CTNNA2: variants seen among roughly 807,000 people sequenced by gnomAD.
CTNNA2 encodes the protein catenin alpha-2.
A neutral mutation model predicts 101.0 loss-of-function variants in CTNNA2; 42 were observed. The ratio of observed to expected loss-of-function variants is 0.42; its 90% CI spans 0.32 to 0.54. The LOEUF is 0.54. Among genes scored for constraint, CTNNA2 ranks in the 20% least tolerant of loss-of-function variants. The pLI, the probability that CTNNA2 is intolerant of heterozygous loss-of-function variation, is 0.14. For synonymous variants in CTNNA2, 450 were observed against 456.4 expected (o/e 0.99, Z 0.18); for missense variants, 871 against 1,223.1 (o/e 0.71, Z 4.29).
intron 7 of CTNNA2, among the ~76,000 whole-genome samples, chr2:80,102,150 G>A (rs946232844): frequency 8.5e-5 from 13 of 152,180 alleles, no homozygotes; most frequent in African/African-American, 3.1e-4. Flanking sequence ...TAGGCAATGA[G>A]TATTTGTTGA....
intron 3 of CTNNA2, among the ~76,000 whole-genome samples, chr2:79,815,764 A>G (rs1029239645): frequency 1.4e-5 from 2 of 144,888 alleles, no homozygotes; most frequent in African/African-American, 5.2e-5. Context: ...TTCCATATGA[A>G]TTTTAGATTT....
chr2:79,765,100 A>C (rs1026364644), intron 3 of CTNNA2, among the ~76,000 whole-genome samples: 1 of 152,128 alleles, frequency 6.6e-6, no homozygotes, highest in African/African-American at 2.4e-5. Context: ...AGATTTAATA[A>C]GTTTTTGGTT....
intron 4 of CTNNA2, among the ~76,000 whole-genome samples, chr2:79,865,731 T>A (rs1682026832): frequency 6.6e-6 from 1 of 152,230 alleles, no homozygotes; most frequent in Non-Finnish European, 1.5e-5. Context: ...ATTTGTTTAT[T>A]TATTTTGAGA....
chr2:79,705,930 A>G (rs2104781105), intron 2 of CTNNA2, among the ~76,000 whole-genome samples: 1 of 152,298 alleles, frequency 6.6e-6, no homozygotes, highest in Non-Finnish European at 1.5e-5. Flanking sequence ...TACAGAGAAG[A>G]GGTCATATGT....
Position 79,856,327 on chromosome 2 carries a change from G to A in CTNNA2, c.299-1686G>A, listed in dbSNP as rs116121580. Among the ~76,000 whole-genome samples, 281 of 152,172 alleles carry A rather than the reference G, an allele frequency of 1.8e-3. 2 individuals are homozygous for A. The highest frequency in any genetic ancestry group is 6.1e-3 in the African/African-American group (254 of 41,504). ...GAGAGAATTACTTTATATTCTGATCGGCCTATAAAATGGTAAGAGGTGTTT... is the reference window on the plus strand; with the variant it reads ...GAGAGAATTACTTTATATTCTGATCAGCCTATAAAATGGTAAGAGGTGTTT... On this transcript the variant is annotated intron_variant, in intron 3 of 18. Transcript: ENST00000402739.
chr2:79,403,822 G>A (rs562519337), intron 4 of CTNNA2, among the ~76,000 whole-genome samples: 185 of 152,058 alleles, frequency 1.2e-3, no homozygotes, highest in African/African-American at 4.3e-3. Context: ...GAGTGTTGAT[G>A]GGGGTGTAAT....
intron 13 of CTNNA2, chr2:80,579,341 G>A (rs924632785): frequency 1.4e-4 from 21 of 152,144 alleles, no homozygotes; most frequent in African/African-American, 5.1e-4. Context: ...TATAAGAACT[G>A]TCATATTCTG....
At chr2:80,640,848 T>TGGAAGGATTCCAGTTTCCTTG (rs1673396547) in intron 18 of CTNNA2, among the ~76,000 whole-genome samples, 1 of 152,102 alleles carries the variant, frequency 6.6e-6, no homozygotes, top group South Asian at 2.1e-4. Flanking sequence ...CCAGCTCCAG[T>TGGAAGGATTCCAGTTTCCTTG]GGAAAGATTC....
chr2:79,745,441 A>G (rs942831616), intron 3 of CTNNA2, among the ~76,000 whole-genome samples: 7 of 151,758 alleles, frequency 4.6e-5, no homozygotes, highest in Non-Finnish European at 1.0e-4. Context: ...TTAAAAAAAA[A>G]AAATAAAATA....
intron 8 of CTNNA2, among the ~76,000 whole-genome samples, chr2:80,396,536 C>T (rs540574728): frequency 3.9e-5 from 6 of 152,276 alleles, no homozygotes; most frequent in African/African-American, 1.2e-4. Context: ...GTCTGTCCAT[C>T]CCCCAGAGAA....
At chr2:80,130,618 T>C (rs922044656) in intron 7 of CTNNA2, among the ~76,000 whole-genome samples, 1 of 152,204 alleles carries the variant, frequency 6.6e-6, no homozygotes, top group East Asian at 1.9e-4. Context: ...ACAGTCAACC[T>C]GCGATGGTGG....
intron 7 of CTNNA2, among the ~76,000 whole-genome samples, chr2:79,910,867 A>G (rs1685744760): frequency 6.6e-6 from 1 of 152,224 alleles, no homozygotes; most frequent in South Asian, 2.1e-4. Context: ...GAGTGTTGAC[A>G]GTAGCAGTGC....
At chr2:80,076,868 A>G (rs1450023063) in intron 7 of CTNNA2, among the ~76,000 whole-genome samples, 2 of 151,694 alleles carry the variant, frequency 1.3e-5, no homozygotes. Flanking sequence ...ACACAGTGAA[A>G]CCCCGTCTCT....
intron 8 of CTNNA2, among the ~76,000 whole-genome samples, chr2:80,404,147 G>C (rs538041156): frequency 6.6e-6 from 1 of 152,162 alleles, no homozygotes; most frequent in Non-Finnish European, 1.5e-5. Flanking sequence ...ATGTGTCCAG[G>C]AATTTATCCA....
At chr2:79,398,888 CAAT>C (rs1184203224) in intron 4 of CTNNA2, among the ~76,000 whole-genome samples, 1 of 150,646 alleles carries the variant, frequency 6.6e-6, no homozygotes, top group Non-Finnish European at 1.5e-5. Flanking sequence ...CCTATAAAAA[CAAT>C]AAGCTTTGTG....
upstream of CTNNA2, among the ~76,000 whole-genome samples, chr2:79,511,123 C>T (rs1199661064): frequency 1.3e-5 from 2 of 152,182 alleles, no homozygotes; most frequent in African/African-American, 2.4e-5. Flanking sequence ...TCAATTCTTA[C>T]GTGCATGCTC....
chr2:80,590,678 C>G (rs1224790152), intron 15 of CTNNA2, among the ~76,000 whole-genome samples: 1 of 152,090 alleles, frequency 6.6e-6, no homozygotes, highest in Non-Finnish European at 1.5e-5. Context: ...AATGACATAG[C>G]TTGGCCCTTT....
At chr2:80,210,699 C>T (rs1707832851) in intron 7 of CTNNA2, among the ~76,000 whole-genome samples, 1 of 152,146 alleles carries the variant, frequency 6.6e-6, no homozygotes, top group African/African-American at 2.4e-5. Flanking sequence ...TTTATAGCAG[C>T]ATGATTTATA....
chr2:80,578,688 A>G (rs1235092267), intron 13 of CTNNA2, among the ~76,000 whole-genome samples: 1 of 152,174 alleles, frequency 6.6e-6, no homozygotes, highest in African/African-American at 2.4e-5. Flanking sequence ...GGTTAAAATC[A>G]TGGGCTCTGA....
Sources: allele counts gnomAD v4.1 joint callset (sites outside exome capture counted in the v4.1 genomes callset), GRCh38; gene constraint gnomAD v4.1.1; transcripts MANE v1.5; gene names NCBI Gene and HGNC (gene_info 2026-07-23, HGNC 2026-07-21).